The following ALG14 variants were observed in gnomAD, a reference collection of about 807,000 sequenced individuals.
The protein encoded by ALG14 is UDP-N-acetylglucosamine transferase subunit ALG14.
ALG14 carries 17 observed loss-of-function variants against 22.8 expected under a neutral mutation model. The ratio of observed to expected loss-of-function variants is 0.75; its 90% CI spans 0.51 to 1.12. The LOEUF (loss-of-function observed/expected upper bound fraction) is 1.12. Among genes scored for constraint, ALG14 ranks in the 50% most tolerant of loss-of-function variants. The pLI is 0.00. For missense variants in ALG14, 288 were observed against 271.8 expected (o/e 1.06, Z -0.42); for synonymous variants, 89 against 103.7 (o/e 0.86, Z 0.86).
At chr1:94,995,975 G>A (rs921129239) in intron 3 of ALG14, among the ~76,000 whole-genome samples, 3 of 152,280 alleles carry the variant, frequency 2.0e-5, no homozygotes, top group East Asian at 1.9e-4. Context: ...GTTTAGCTGC[G>A]TTACATTAAG....
intron 2 of ALG14, among the ~76,000 whole-genome samples, chr1:95,050,053 T>TA (rs1187728182): frequency 6.6e-6 from 1 of 152,224 alleles, no homozygotes; most frequent in Non-Finnish European, 1.5e-5. Context: ...TGGGAAGCTC[T>TA]CTGTGTTTTT....
chr1:95,071,044 A>G (rs1345852068), intron 1 of ALG14, among the ~76,000 whole-genome samples: 3 of 152,176 alleles, frequency 2.0e-5, no homozygotes, highest in African/African-American at 7.2e-5. Flanking sequence ...CCCGGCCTAA[A>G]CACTTTAAAT....
chr1:94,993,025 C>T (rs2100723061), intron 3 of ALG14, among the ~76,000 whole-genome samples: 1 of 150,958 alleles, frequency 6.6e-6, no homozygotes, highest in South Asian at 2.1e-4. Flanking sequence ...ACTATGTGGG[C>T]TATGCTAATC....
chr1:95,022,395 G>T (rs1432061096), intron 3 of ALG14: 4 of 984,046 alleles, frequency 4.1e-6, no homozygotes, highest in Middle Eastern at 5.2e-4. Context: ...TCAGTCACAA[G>T]AAACCAGATA....
chr1:95,060,215 G>A (rs1183150284), intron 2 of ALG14, among the ~76,000 whole-genome samples: 3 of 150,752 alleles, frequency 2.0e-5, no homozygotes, highest in Non-Finnish European at 2.9e-5. Context: ...AAATGTTCAC[G>A]CTATCTCCCT....
At position 94,980,463 on chromosome 1, in the gene ALG14, A is replaced by T. The variant is rs1672474972; in HGVS notation, c.*2613T>A. 6.6e-6 allele frequency: 1 copy of T among 152,114 alleles called. No individual in the cohort carries two copies. Among genetic ancestry groups the T allele is most frequent in the African/African-American group, 2.4e-5 (1 of 41,422 alleles). The allele number at this position is 152,114 out of a possible 1,614,324, so 9.4% of individuals were successfully genotyped here. A position where few individuals can be genotyped will look rare whatever the true frequency, so the allele number is the denominator to read the frequency against. On this transcript the variant is annotated 3_prime_UTR_variant, in exon 4 of 4. Transcript: ENST00000370205. Reference sequence around the variant, plus strand: ...TCTCATTTGAAGACTGATTCAATTAATTTTTTCATGAACAGTCTCCTACAG... The same window carrying T: ...TCTCATTTGAAGACTGATTCAATTATTTTTTTCATGAACAGTCTCCTACAG...
At chr1:95,008,069 A>G (rs1043719068) in intron 3 of ALG14, among the ~76,000 whole-genome samples, 5 of 152,118 alleles carry the variant, frequency 3.3e-5, no homozygotes, top group African/African-American at 1.2e-4. Flanking sequence ...TTTTCTCAGT[A>G]TTTCTTTCTT....
At chr1:95,024,705 G>A (rs779464484) in intron 3 of ALG14, among the ~76,000 whole-genome samples, 3 of 152,158 alleles carry the variant, frequency 2.0e-5, no homozygotes, top group Non-Finnish European at 4.4e-5. Context: ...TTTATACCTC[G>A]AGTGCACAGT....
intron 2 of ALG14, among the ~76,000 whole-genome samples, chr1:95,052,297 A>G (rs965846387): frequency 3.9e-5 from 6 of 152,208 alleles, no homozygotes; most frequent in Admixed American, 3.9e-4. Context: ...CCATATAAAT[A>G]TACATCTAAA....
chr1:95,043,694 C>T (rs1044118833), intron 2 of ALG14, among the ~76,000 whole-genome samples: 13 of 151,674 alleles, frequency 8.6e-5, no homozygotes, highest in Admixed American at 8.5e-4. Context: ...TCTGAAGCTT[C>T]AAGGACCTTT....
Position 94,994,301 on chromosome 1 carries a change from C to T in ALG14, c.421-10995G>A, listed in dbSNP as rs188552982. Among the ~76,000 whole-genome samples, 31 of 152,270 alleles carry T rather than the reference C, an allele frequency of 2.0e-4. No individual in the cohort carries two copies. In the East Asian group the frequency reaches 6.0e-3, roughly 29 times the overall value. On this transcript the variant is annotated intron_variant, in intron 3 of 3. Coordinates refer to ENST00000370205, the MANE Select transcript of ALG14 (RefSeq NM_144988.4). The stretch of plus-strand genomic sequence containing the variant: ...AAATGTTTTCACAGAGGGTTTTAAA[C>T]CCTACTAACCCAGTATTTTTTCCTT...
At chr1:95,064,833 G>C in intron 2 of ALG14, 33 bp downstream of exon 2, 1 of 1,592,946 alleles carries the variant, frequency 6.3e-7, no homozygotes, top group Non-Finnish European at 8.6e-7. Context: ...TGTGCAACTT[G>C]TAATTTTCTT....
chr1:95,022,926 C>T (rs1673705156), intron 3 of ALG14, among the ~76,000 whole-genome samples: 1 of 152,266 alleles, frequency 6.6e-6, no homozygotes, highest in Middle Eastern at 3.4e-3. Context: ...TGTAAGGGTT[C>T]TGGCATGTCA....
chr1:95,054,060 T>G (rs1041236529), intron 2 of ALG14, among the ~76,000 whole-genome samples: 2 of 152,172 alleles, frequency 1.3e-5, no homozygotes, highest in Non-Finnish European at 2.9e-5. Flanking sequence ...AATATTAAAA[T>G]TGACAAATGT....
chr1:95,040,835 A>G (rs538597776), intron 2 of ALG14, among the ~76,000 whole-genome samples: 45 of 152,334 alleles, frequency 3.0e-4, no homozygotes, highest in Non-Finnish European at 5.0e-4. Context: ...AATCCCATAC[A>G]ATACAAATTT....
chr1:95,056,419 C>T (rs1674934723), intron 2 of ALG14, among the ~76,000 whole-genome samples: 1 of 152,048 alleles, frequency 6.6e-6, no homozygotes. Context: ...CCAAGGTGGG[C>T]AGACTGCTTG....
At chr1:95,032,719 G>C (rs1571628791) in intron 2 of ALG14, among the ~76,000 whole-genome samples, 1 of 152,122 alleles carries the variant, frequency 6.6e-6, no homozygotes, top group East Asian at 1.9e-4. Context: ...TATGCTGCCA[G>C]GCAGTCAAGT....
intron 3 of ALG14, among the ~76,000 whole-genome samples, chr1:95,007,232 G>T (rs1216231726): frequency 6.6e-6 from 1 of 152,116 alleles, no homozygotes; most frequent in African/African-American, 2.4e-5. Context: ...CGTTTTTGTT[G>T]TGAGGTATAA....
chr1:95,056,219 G>C (rs774669711), intron 2 of ALG14, among the ~76,000 whole-genome samples: 22 of 152,150 alleles, frequency 1.4e-4, no homozygotes, highest in Non-Finnish European at 1.5e-4. Flanking sequence ...CGTATCAGTG[G>C]TGGCACTGCA....
Sources: allele counts gnomAD v4.1 joint callset (sites outside exome capture counted in the v4.1 genomes callset), GRCh38; gene constraint gnomAD v4.1.1; transcripts MANE v1.5; gene names NCBI Gene and HGNC (gene_info 2026-07-23, HGNC 2026-07-21).